Variants in NRXN1 observed in about 807,000 individuals in gnomAD.
NRXN1 encodes neurexin 1, also known as neurexin-1.
In NRXN1, 39 loss-of-function variants were observed where a neutral mutation model predicts 150.9. The ratio of observed to expected loss-of-function variants is 0.26; its 90% CI spans 0.20 to 0.34. The LOEUF is 0.34. Ranked by LOEUF, NRXN1 falls within the 10% of genes least tolerant of loss-of-function variation. The pLI is 1.00. For synonymous variants in NRXN1, 924 were observed against 757.0 expected (o/e 1.22, Z -3.62); for missense variants, 1,815 against 1,949.9 (o/e 0.93, Z 1.30).
rs568014314 is a variant in NRXN1 at position 50,988,471 on chromosome 2, C to T, written c.772+39031G>A. On this transcript the variant is annotated intron_variant, in intron 2 of 22. Transcript: ENST00000401669. ...TGCCAATTTTGTTTGGAAAATCAAA[C>T]GAGAATGCTGTCTAAAGGTTCTAAC... Among the ~76,000 whole-genome samples the T allele has an allele frequency of 2.8e-4, 42 of 151,900 alleles. No individual in the cohort carries two copies. The South Asian group carries it at 4.4e-3, about 16-fold the overall frequency.
intron 18 of NRXN1, among the ~76,000 whole-genome samples, chr2:50,179,334 T>C (rs147438382): frequency 6.6e-6 from 1 of 152,234 alleles, no homozygotes; most frequent in East Asian, 1.9e-4. Context: ...TAAAGTGATT[T>C]GTTGATCAGC....
chr2:50,254,223 T>C (rs1338207850), intron 17 of NRXN1, among the ~76,000 whole-genome samples: 2 of 151,934 alleles, frequency 1.3e-5, no homozygotes, highest in Non-Finnish European at 2.9e-5. Context: ...TAGTATACTC[T>C]GATGGTTGGT....
intron 21 of NRXN1, among the ~76,000 whole-genome samples, chr2:49,946,767 G>A (rs2104412498): frequency 6.6e-6 from 1 of 152,114 alleles, no homozygotes; most frequent in East Asian, 1.9e-4. Flanking sequence ...CCAATCCTAA[G>A]CAAAAAGAAC....
intron 2 of NRXN1, among the ~76,000 whole-genome samples, chr2:50,976,196 T>G (rs1378368723): frequency 8.0e-6 from 1 of 124,932 alleles, no homozygotes; most frequent in Non-Finnish European, 1.6e-5. Context: ...ATGTTATTCT[T>G]TTTTTTTTTT....
chr2:50,208,296 T>C (rs1013891331), intron 18 of NRXN1, among the ~76,000 whole-genome samples: 1 of 152,082 alleles, frequency 6.6e-6, no homozygotes, highest in Non-Finnish European at 1.5e-5. Flanking sequence ...ATGTCCAATG[T>C]ATCAATGAGA....
chr2:50,623,199 A>C, intron 6 of NRXN1, 115 bp downstream of exon 6: 1 of 757,026 alleles, frequency 1.3e-6, no homozygotes, highest in East Asian at 2.7e-5. Context: ...AGAAAAAGCT[A>C]ATTTGCAAGT....
chr2:51,011,629 A>G (rs1006210272), intron 2 of NRXN1, among the ~76,000 whole-genome samples: 3 of 152,086 alleles, frequency 2.0e-5, no homozygotes, highest in Admixed American at 6.6e-5. Context: ...ATGTGAACAC[A>G]ATTATTATTC....
At chr2:50,227,984 A>G (rs2064561476) in intron 18 of NRXN1, among the ~76,000 whole-genome samples, 1 of 152,072 alleles carries the variant, frequency 6.6e-6, no homozygotes, top group South Asian at 2.1e-4. Flanking sequence ...TTACAACTGT[A>G]GATATAACAA....
Position 50,558,002 on chromosome 2 carries a change from T to C in NRXN1, c.1321-4977A>G, listed in dbSNP as rs965781098. 2.0e-5 allele frequency among the ~76,000 whole-genome samples: 3 copies of C among 151,940 alleles called. No individual in the cohort carries two copies. In the South Asian group the frequency reaches 6.2e-4, roughly 32 times the overall value. ...CACAGCAGGCTAGCTAACCTAGGAG[T>C]TGTATTTTCACCCATGAAAGGGTTT... On this transcript the variant is annotated intron_variant, in intron 8 of 22. Coordinates refer to ENST00000401669, the MANE Select transcript of NRXN1 (RefSeq NM_001330078.2).
intron 21 of NRXN1, among the ~76,000 whole-genome samples, chr2:50,015,567 G>C (rs933626172): frequency 7.1e-6 from 1 of 141,816 alleles, no homozygotes; most frequent in African/African-American, 2.6e-5. Flanking sequence ...GGAGGAGGCA[G>C]CCTGGCCCTC....
chr2:50,559,883 C>A (rs1668801362), intron 8 of NRXN1, among the ~76,000 whole-genome samples: 1 of 151,940 alleles, frequency 6.6e-6, no homozygotes, highest in Non-Finnish European at 1.5e-5. Flanking sequence ...AAAGATGGTC[C>A]TACTCATTTT....
chr2:50,640,527 C>T (rs1685014619), intron 5 of NRXN1, among the ~76,000 whole-genome samples: 1 of 152,120 alleles, frequency 6.6e-6, no homozygotes, highest in South Asian at 2.1e-4. Flanking sequence ...TTAGATGTTA[C>T]ATTATCAGAC....
chr2:50,190,966 T>C (rs1376166618), intron 18 of NRXN1, among the ~76,000 whole-genome samples: 13 of 152,142 alleles, frequency 8.5e-5, no homozygotes. Context: ...TACAAACCTT[T>C]TATTTTGAAA....
At chr2:50,208,070 C>A (rs1158289904) in intron 18 of NRXN1, among the ~76,000 whole-genome samples, 1 of 152,122 alleles carries the variant, frequency 6.6e-6, no homozygotes, top group African/African-American at 2.4e-5. Context: ...GGCTGGCTTA[C>A]AGCCTGCAAC....
At chr2:50,902,403 T>C (rs1683087138) in intron 5 of NRXN1, among the ~76,000 whole-genome samples, 1 of 151,618 alleles carries the variant, frequency 6.6e-6, no homozygotes, top group Admixed American at 6.6e-5. Flanking sequence ...AAAGAGGTCA[T>C]AAATATTAAT....
intron 15 of NRXN1, among the ~76,000 whole-genome samples, chr2:50,488,576 T>G (rs745810202): frequency 7.2e-5 from 11 of 152,124 alleles, no homozygotes; most frequent in Non-Finnish European, 1.5e-4. Context: ...GAGTACGCCT[T>G]TTATGGAGCC....
intron 17 of NRXN1, among the ~76,000 whole-genome samples, chr2:50,243,871 T>C (rs990585027): frequency 1.3e-5 from 2 of 151,822 alleles, no homozygotes; most frequent in Non-Finnish European, 2.9e-5. Flanking sequence ...AAATTGTGTG[T>C]GTTTACTCAA....
intron 18 of NRXN1, among the ~76,000 whole-genome samples, chr2:50,169,559 G>A (rs1312174909): frequency 4.6e-5 from 7 of 151,364 alleles, no homozygotes; most frequent in Admixed American, 1.3e-4. Flanking sequence ...CTAAAAATAC[G>A]AAAATTAGCT....
At chr2:50,035,412 C>CA (rs1383785109) in intron 21 of NRXN1, among the ~76,000 whole-genome samples, 1 of 151,812 alleles carries the variant, frequency 6.6e-6, no homozygotes, top group African/African-American at 2.4e-5. Flanking sequence ...GCAAAACAAA[C>CA]AAAAAAACTC....
Sources: gnomAD v4.1 joint callset for allele counts (sites outside exome capture counted in the v4.1 genomes callset) on GRCh38, gnomAD v4.1.1 for gene constraint, MANE v1.5 for transcripts, NCBI Gene and HGNC (gene_info 2026-07-23, HGNC 2026-07-21) for gene names.